Variants in ZFHX3 observed in about 807,000 individuals in gnomAD.
ZFHX3 encodes zinc finger homeobox 3, also known as zinc finger homeobox protein 3.
In ZFHX3, 42 loss-of-function variants were observed where a neutral mutation model predicts 279.1. The ratio of observed to expected loss-of-function variants is 0.15; its 90% CI spans 0.12 to 0.19. The LOEUF (loss-of-function observed/expected upper bound fraction) is 0.19, where lower values mean the gene tolerates loss of function less well. Among genes scored for constraint, ZFHX3 ranks in the 10% least tolerant of loss-of-function variants. The pLI, the probability that ZFHX3 is intolerant of heterozygous loss-of-function variation, is 1.00. For missense variants in ZFHX3, 4,981 were observed against 4,754.0 expected, an observed-to-expected ratio of 1.05 and a Z score of -1.40; for synonymous variants, 2,293 against 1,957.8, an observed-to-expected ratio of 1.17 and a Z score of -4.52.
At chr16:73,587,840 T>C (rs1457168841) in intron 2 of ZFHX3, among the ~76,000 whole-genome samples, 1 of 152,116 alleles carries the variant, frequency 6.6e-6, no homozygotes, top group African/African-American at 2.4e-5. Context: ...AAACAAAACA[T>C]CCTTTTCAAA....
intron 4 of ZFHX3, among the ~76,000 whole-genome samples, chr16:73,260,037 T>G (rs1173368023): frequency 6.6e-6 from 1 of 152,250 alleles, no homozygotes; most frequent in African/African-American, 2.4e-5. Flanking sequence ...TGTACTGAGT[T>G]GTCAAGTCTC....
chr16:72,854,722 A>G (rs775213618), intron 4 of ZFHX3, among the ~76,000 whole-genome samples: 2 of 152,140 alleles, frequency 1.3e-5, no homozygotes, highest in Non-Finnish European at 2.9e-5. Flanking sequence ...TAAATCCTTG[A>G]AAAACTGACA....
At chr16:72,838,599 G>A (rs148667552) in intron 4 of ZFHX3, among the ~76,000 whole-genome samples, 9 of 152,218 alleles carry the variant, frequency 5.9e-5, no homozygotes, top group African/African-American at 9.6e-5. Flanking sequence ...AAATGCTGCC[G>A]TTGTGTGGTG....
chr16:72,953,950 C>T (rs1362094913), intron 2 of ZFHX3, among the ~76,000 whole-genome samples: 1 of 152,222 alleles, frequency 6.6e-6, no homozygotes, highest in Non-Finnish European at 1.5e-5. Context: ...CAAGTGAAAA[C>T]TCCCTTCGAG....
intron 5 of ZFHX3, among the ~76,000 whole-genome samples, chr16:73,252,047 G>C (rs2013525444): frequency 6.6e-6 from 1 of 151,918 alleles, no homozygotes; most frequent in African/African-American, 2.4e-5. Flanking sequence ...GGTGGGGAGG[G>C]AGCTTGGGGA....
intron 7 of ZFHX3, chr16:73,127,241 G>A (rs1226153546): frequency 1.9e-5 from 18 of 942,902 alleles, no homozygotes; most frequent in African/African-American, 1.7e-5. Flanking sequence ...GGTTAGTATC[G>A]ATCAGAGCTA....
intron 1 of ZFHX3, among the ~76,000 whole-genome samples, chr16:73,735,594 G>A (rs528187409): frequency 2.6e-5 from 4 of 152,174 alleles, no homozygotes; most frequent in African/African-American, 4.8e-5. Context: ...ATGTATATGC[G>A]ATCACTGTAC....
At chr16:73,450,603 G>A (rs1164455078) in intron 3 of ZFHX3, among the ~76,000 whole-genome samples, 2 of 152,148 alleles carry the variant, frequency 1.3e-5, no homozygotes, top group Non-Finnish European at 2.9e-5. Context: ...TAAAAACTCT[G>A]CTGTTTTCTT....
intron 1 of ZFHX3, among the ~76,000 whole-genome samples, chr16:73,846,965 T>C (rs139091029): frequency 6.6e-6 from 1 of 152,286 alleles, no homozygotes; most frequent in East Asian, 1.9e-4. Context: ...ATATTGTAGG[T>C]CACAGTGATT....
At chr16:73,692,664 G>T (rs564881717) in intron 1 of ZFHX3, among the ~76,000 whole-genome samples, 4 of 152,302 alleles carry the variant, frequency 2.6e-5, no homozygotes, top group Non-Finnish European at 4.4e-5. Flanking sequence ...AATACTTTGG[G>T]ATCGATACGT....
rs560130383 is a variant in ZFHX3 at position 73,044,899 on chromosome 16, G to C, written c.-50+2853C>G. On this transcript the variant is annotated intron_variant, in intron 1 of 9. Transcript: ENST00000268489. ...GCCTCCCAAAGTGCTGGGATTACAG[G>C]CATGAGCCACCATGCCTGGCCAAAA... 1.5e-4 allele frequency among the ~76,000 whole-genome samples: 23 copies of C among 152,250 alleles called. No individual in the cohort carries two copies. The South Asian group carries it at 4.8e-3, about 32-fold the overall frequency.
intron 3 of ZFHX3, among the ~76,000 whole-genome samples, chr16:73,350,769 G>C (rs912557901): frequency 6.6e-6 from 1 of 152,202 alleles, no homozygotes; most frequent in East Asian, 1.9e-4. Flanking sequence ...GCTACTCAAG[G>C]GACACTGGCT....
At chr16:73,193,974 G>A (rs976076616) in intron 5 of ZFHX3, among the ~76,000 whole-genome samples, 6 of 152,150 alleles carry the variant, frequency 3.9e-5, no homozygotes, top group South Asian at 4.1e-4. Flanking sequence ...AGCCTGATTC[G>A]TTTCTGAAAG....
intron 1 of ZFHX3, among the ~76,000 whole-genome samples, chr16:73,800,648 G>T (rs983367420): frequency 5.9e-5 from 9 of 151,888 alleles, no homozygotes; most frequent in Non-Finnish European, 1.2e-4. Context: ...AAACATCAGG[G>T]CTCCTCCAAG....
intron 5 of ZFHX3, among the ~76,000 whole-genome samples, chr16:73,231,623 G>C (rs185156230): frequency 6.6e-6 from 1 of 152,276 alleles, no homozygotes; most frequent in Non-Finnish European, 1.5e-5. Context: ...GTGTCTAACA[G>C]GGACACAGGT....
intron 2 of ZFHX3, among the ~76,000 whole-genome samples, chr16:73,578,830 A>T (rs1047052053): frequency 6.6e-6 from 1 of 152,130 alleles, no homozygotes; most frequent in Admixed American, 6.5e-5. Context: ...ATTTTGCTTC[A>T]CTCTTTGCTT....
rs550600689 is a variant in ZFHX3, at chr16:72,808,391, C to A, written c.3864+3186G>T. On this transcript the variant is annotated intron_variant, in intron 7 of 9. Coordinates refer to ENST00000268489, the MANE Select transcript of ZFHX3 (RefSeq NM_006885.4). ...CCTGAGATAGAAATGCATAGTTTGG[C>A]TCAATGCAAACTATCCCCATGACTG... 3.9e-5 allele frequency among the ~76,000 whole-genome samples: 6 copies of A among 152,198 alleles called. No individual in the cohort carries two copies. The South Asian group carries it at 1.2e-3, about 32-fold the overall frequency.
At chr16:73,876,717 G>C (rs2029959345) in intron 1 of ZFHX3, among the ~76,000 whole-genome samples, 1 of 152,114 alleles carries the variant, frequency 6.6e-6, no homozygotes, top group Non-Finnish European at 1.5e-5. Context: ...TGTTAAACCA[G>C]AATGCTGGAA....
At chr16:72,989,342 C>T (rs534515539) in intron 1 of ZFHX3, among the ~76,000 whole-genome samples, 2 of 151,922 alleles carry the variant, frequency 1.3e-5, no homozygotes, top group South Asian at 2.1e-4. Context: ...ATTAGCCAGG[C>T]GTGGTGCTGC....
Sources: allele counts gnomAD v4.1 joint callset (sites outside exome capture counted in the v4.1 genomes callset), GRCh38; gene constraint gnomAD v4.1.1; transcripts MANE v1.5; gene names NCBI Gene and HGNC (gene_info 2026-07-23, HGNC 2026-07-21).